TMEM132D: variants seen among roughly 807,000 people sequenced by gnomAD.
TMEM132D encodes the protein transmembrane protein 132D, also known as mature OL transmembrane protein.
In TMEM132D, 21 loss-of-function variants were observed where a neutral mutation model predicts 62.3. That is an observed-to-expected ratio of 0.34 (90% CI 0.24 to 0.49). TMEM132D has a LOEUF of 0.49. Among genes scored for constraint, TMEM132D ranks in the 20% least tolerant of loss-of-function variants. The pLI is 0.99. For missense variants in TMEM132D, 1,346 were observed against 1,402.8 expected (o/e 0.96, Z 0.65); for synonymous variants, 621 against 575.6 (o/e 1.08, Z -1.13).
At chr12:129,091,532 G>A (rs1371431716) in intron 5 of TMEM132D, among the ~76,000 whole-genome samples, 2 of 151,168 alleles carry the variant, frequency 1.3e-5, no homozygotes, top group Non-Finnish European at 1.5e-5. Flanking sequence ...GCTCACCTGG[G>A]CTCTGGGGAC....
At chr12:129,821,239 G>T (rs1872534625) in intron 1 of TMEM132D, among the ~76,000 whole-genome samples, 1 of 152,156 alleles carries the variant, frequency 6.6e-6, no homozygotes, top group South Asian at 2.1e-4. Flanking sequence ...TGTGTATTGT[G>T]TGTTCGCATT....
At chr12:129,832,035 C>T (rs1264443528) in intron 1 of TMEM132D, among the ~76,000 whole-genome samples, 219 of 94,120 alleles carry the variant, frequency 2.3e-3, no homozygotes, top group Middle Eastern at 5.6e-3. Context: ...ATGCCCGGCT[C>T]TTTTTTTTTT....
intron 5 of TMEM132D, among the ~76,000 whole-genome samples, chr12:129,145,221 G>A (rs993120735): frequency 3.3e-5 from 5 of 151,820 alleles, no homozygotes; most frequent in Non-Finnish European, 5.9e-5. Context: ...TCATTTCATT[G>A]TGTTCTCTCT....
chr12:129,714,998 A>G lies in TMEM132D; in HGVS notation c.80-14300T>C, dbSNP rs141634478. Among the ~76,000 whole-genome samples, 497 of 152,312 alleles carry G rather than the reference A, an allele frequency of 3.3e-3. 4 individuals are homozygous for G. Among genetic ancestry groups the G allele is most frequent in the African/African-American group, 0.011 (469 of 41,582 alleles). On this transcript the variant is annotated intron_variant, in intron 1 of 8. Coordinates refer to ENST00000422113, the MANE Select transcript of TMEM132D (RefSeq NM_133448.3). ...CCCATCAGGCAATCAGTATGCAGGG[A>G]AAGAACTTCATTAAGCTGTTTTATA...
intron 3 of TMEM132D, among the ~76,000 whole-genome samples, chr12:129,518,181 G>A (rs1406577443): frequency 6.6e-6 from 1 of 151,554 alleles, no homozygotes; most frequent in Non-Finnish European, 1.5e-5. Flanking sequence ...GAAATGCATA[G>A]TTTTTCTGTT....
At chr12:129,820,591 A>C (rs1205433014) in intron 1 of TMEM132D, among the ~76,000 whole-genome samples, 1 of 152,232 alleles carries the variant, frequency 6.6e-6, no homozygotes, top group East Asian at 1.9e-4. Context: ...TTATGTTTTC[A>C]TGCCCAAAAC....
chr12:129,826,920 T>C (rs1291601650), intron 1 of TMEM132D, among the ~76,000 whole-genome samples: 1 of 152,290 alleles, frequency 6.6e-6, no homozygotes, highest in Admixed American at 6.5e-5. Context: ...AAAAATAGAG[T>C]GAAAAGCAGT....
chr12:129,860,246 C>T (rs1275783974), intron 1 of TMEM132D, among the ~76,000 whole-genome samples: 1 of 152,206 alleles, frequency 6.6e-6, no homozygotes, highest in Non-Finnish European at 1.5e-5. Context: ...TTACTGCATG[C>T]CCTTTCAAAA....
chr12:129,756,041 T>C (rs899218955), intron 1 of TMEM132D, among the ~76,000 whole-genome samples: 2 of 152,206 alleles, frequency 1.3e-5, no homozygotes, highest in Non-Finnish European at 2.9e-5. Flanking sequence ...GGACAAATGC[T>C]GTATGATTCT....
intron 1 of TMEM132D, among the ~76,000 whole-genome samples, chr12:129,866,940 ATTAC>A (rs1488853267): frequency 6.6e-6 from 1 of 152,152 alleles, no homozygotes; most frequent in Non-Finnish European, 1.5e-5. Context: ...TACATGGAAT[ATTAC>A]TTAGTCTTAA....
At chr12:129,213,650 G>A (rs1264549957) in intron 4 of TMEM132D, among the ~76,000 whole-genome samples, 2 of 152,198 alleles carry the variant, frequency 1.3e-5, no homozygotes, top group East Asian at 3.9e-4. Flanking sequence ...GAGCAGGCAT[G>A]TGCAGAGATC....
At chr12:129,896,879 A>G (rs888331624) in intron 1 of TMEM132D, among the ~76,000 whole-genome samples, 12 of 152,110 alleles carry the variant, frequency 7.9e-5, no homozygotes, top group African/African-American at 2.9e-4. Flanking sequence ...CATGTTTTTT[A>G]CCTTTATAAC....
chr12:129,880,523 C>A (rs1284476699), intron 1 of TMEM132D, among the ~76,000 whole-genome samples: 1 of 152,010 alleles, frequency 6.6e-6, no homozygotes, highest in Non-Finnish European at 1.5e-5. Flanking sequence ...AAAATAACAA[C>A]AATGTATTTT....
intron 5 of TMEM132D, among the ~76,000 whole-genome samples, chr12:129,205,618 A>C (rs1450492158): frequency 1.3e-5 from 2 of 152,138 alleles, no homozygotes; most frequent in African/African-American, 4.8e-5. Flanking sequence ...GAAGCAGAAA[A>C]TTAACACAGA....
At chr12:129,545,286 G>T (rs946510171) in intron 2 of TMEM132D, among the ~76,000 whole-genome samples, 2 of 152,148 alleles carry the variant, frequency 1.3e-5, no homozygotes, top group African/African-American at 4.8e-5. Context: ...TGGGGCCCTG[G>T]ATTCAACCAT....
At chr12:129,381,666 G>A (rs1402021622) in intron 3 of TMEM132D, among the ~76,000 whole-genome samples, 2 of 151,414 alleles carry the variant, frequency 1.3e-5, no homozygotes, top group Admixed American at 1.3e-4. Flanking sequence ...ACACTCCTTT[G>A]TATTTCTGAC....
Position 129,387,814 on chromosome 12 carries a change from G to A in TMEM132D, c.1116-49997C>T, listed in dbSNP as rs543649898. Among the ~76,000 whole-genome samples the A allele has an allele frequency of 5.3e-3, 726 of 136,046 alleles. 14 individuals carry two copies. Among genetic ancestry groups the A allele is most frequent in the African/African-American group, 0.019 (676 of 35,294 alleles). The allele number at this position is 136,046 out of a possible 152,430, so 89.3% of individuals were successfully genotyped here. A position where few individuals can be genotyped will look rare whatever the true frequency, so the allele number is the denominator to read the frequency against. ...CTGACAATAATATGAACACTAACAC[G>A]AATCCTAATATAAACACTAACACCG... On this transcript the variant is annotated intron_variant, in intron 3 of 8. Transcript: ENST00000422113.
chr12:129,815,273 C>T (rs1872311604), intron 1 of TMEM132D, among the ~76,000 whole-genome samples: 1 of 152,082 alleles, frequency 6.6e-6, no homozygotes, highest in Admixed American at 6.6e-5. Context: ...GAAAAAAATC[C>T]AGAATGCATT....
At chr12:129,208,134 G>C (rs547381058) in intron 5 of TMEM132D, among the ~76,000 whole-genome samples, 13 of 152,260 alleles carry the variant, frequency 8.5e-5, no homozygotes, top group Non-Finnish European at 1.5e-4. Context: ...AGGAGGTAAG[G>C]ACAGGCCCTA....
Sources: allele counts gnomAD v4.1 joint callset (sites outside exome capture counted in the v4.1 genomes callset), GRCh38; gene constraint gnomAD v4.1.1; transcripts MANE v1.5; gene names NCBI Gene and HGNC (gene_info 2026-07-23, HGNC 2026-07-21).